The following CRHR1 variants were observed in gnomAD, a reference collection of about 807,000 sequenced individuals.
CRHR1 encodes corticotropin-releasing hormone receptor 1.
A neutral mutation model predicts 56.0 loss-of-function variants in CRHR1; 28 were observed. The observed-to-expected ratio is 0.50, with a 90% CI of 0.37 to 0.69. CRHR1 has a LOEUF of 0.69. Among genes scored for constraint, CRHR1 ranks in the 30% least tolerant of loss-of-function variants. CRHR1 has a pLI of 0.00. For synonymous variants in CRHR1, 195 were observed against 216.5 expected, an observed-to-expected ratio of 0.90 and a Z score of 0.87; for missense variants, 376 against 548.0, an observed-to-expected ratio of 0.69 and a Z score of 3.13.
intron 4 of CRHR1, among the ~76,000 whole-genome samples, chr17:45,824,033 C>G (rs2062103349): frequency 6.6e-6 from 1 of 152,206 alleles, no homozygotes; most frequent in Non-Finnish European, 1.5e-5. Context: ...AGCCCCCACA[C>G]AGAGAGCCCA....
Position 45,811,523 on chromosome 17 carries a change from G to A in CRHR1, c.121+4426G>A, listed in dbSNP as rs185923069. On this transcript the variant is annotated intron_variant, in intron 2 of 12. Coordinates refer to ENST00000314537, the MANE Select transcript of CRHR1 (RefSeq NM_004382.5). ...CCCCAACCTAAAGGCCTGTGGTGAC[G>A]TGCGCTGGTGAGTGGGTTGGTTCTA... Among the ~76,000 whole-genome samples the A allele has an allele frequency of 7.2e-5, 11 of 152,340 alleles. No individual in the cohort carries two copies. In the East Asian group the frequency reaches 7.7e-4, roughly 11 times the overall value.
At chr17:45,818,969 G>C (rs924090346) in intron 3 of CRHR1, among the ~76,000 whole-genome samples, 10 of 152,022 alleles carry the variant, frequency 6.6e-5, no homozygotes, top group African/African-American at 2.2e-4. Flanking sequence ...GCTTTCTTTC[G>C]GATCACCTCC....
At chr17:45,818,204 C>T (rs1402142689) in intron 3 of CRHR1, among the ~76,000 whole-genome samples, 3 of 152,216 alleles carry the variant, frequency 2.0e-5, no homozygotes, top group Non-Finnish European at 4.4e-5. Flanking sequence ...GTCACTCCTT[C>T]ACTTGGAACC....
At chr17:45,830,647 G>T in intron 7 of CRHR1, 77 bp downstream of exon 7, 2 of 1,513,674 alleles carry the variant, frequency 1.3e-6, no homozygotes, top group South Asian at 1.3e-5. Context: ...TCAGGCCAGC[G>T]GGCTGGGGGG....
At chr17:45,785,639 G>C (rs2061322926) in intron 1 of CRHR1, among the ~76,000 whole-genome samples, 1 of 152,218 alleles carries the variant, frequency 6.6e-6, no homozygotes, top group South Asian at 2.1e-4. Flanking sequence ...GACTTCGGTG[G>C]ATTTGGGGGA....
At chr17:45,827,455 A>G (rs150139064) in intron 4 of CRHR1, among the ~76,000 whole-genome samples, 226 of 152,376 alleles carry the variant, frequency 1.5e-3, no homozygotes, top group African/African-American at 4.3e-3. Context: ...TACCAGCTCC[A>G]GACAGCCTGT....
rs1459918110 is a variant in CRHR1 at position 45,784,430 on chromosome 17, G to T, written c.-115G>T. 3.9e-6 allele frequency: 4 copies of T among 1,024,026 alleles called. No homozygotes were observed. The highest frequency in any genetic ancestry group is 2.0e-5 in the South Asian group (1 of 50,606). 63.4% of individuals were successfully genotyped at this position (1,024,026 alleles called of 1,614,324 possible). ...GCCGGGCATCTCCTCACCAGGCAGC[G>T]ACCGAGGAGCCCGGCCGCCCACCCC... On this transcript the variant is annotated 5_prime_UTR_variant, in exon 1 of 13. Transcript: ENST00000314537. The surrounding 1 kb of genome is among the most constrained non-coding windows in gnomAD (Gnocchi z 4.2).
intron 2 of CRHR1, among the ~76,000 whole-genome samples, chr17:45,813,273 G>T (rs538295780): frequency 6.5e-4 from 99 of 152,238 alleles, no homozygotes; most frequent in African/African-American, 2.3e-3. Context: ...TCCACTCCGC[G>T]GCTGAGGCCC....
At chr17:45,813,662 C>T (rs1156782044) in intron 2 of CRHR1, among the ~76,000 whole-genome samples, 4 of 152,228 alleles carry the variant, frequency 2.6e-5, no homozygotes, top group African/African-American at 9.6e-5. Flanking sequence ...GTGGGCAGCA[C>T]CCTGAGCTGG....
intron 3 of CRHR1, among the ~76,000 whole-genome samples, chr17:45,817,614 G>T (rs1228574983): frequency 6.6e-6 from 1 of 152,242 alleles, no homozygotes; most frequent in Non-Finnish European, 1.5e-5. Flanking sequence ...TCTACCAGAT[G>T]GATTTGGGGT....
chr17:45,789,640 A>C (rs1170952753), intron 1 of CRHR1, among the ~76,000 whole-genome samples: 1 of 152,206 alleles, frequency 6.6e-6, no homozygotes, highest in African/African-American at 2.4e-5. Flanking sequence ...AGCCTCCCAA[A>C]GTGTAGGGTT....
intron 1 of CRHR1, among the ~76,000 whole-genome samples, chr17:45,794,414 C>T (rs1165394374): frequency 6.6e-6 from 1 of 152,250 alleles, no homozygotes; most frequent in Non-Finnish European, 1.5e-5. Flanking sequence ...TCCTTTGGGG[C>T]CAGAATTCAC....
At chr17:45,833,624 TC>T in intron 10 of CRHR1, 87 bp downstream of exon 10, 3 of 1,590,898 alleles carry the variant, frequency 1.9e-6, no homozygotes, top group Non-Finnish European at 2.6e-6. Context: ...TGCCACTCCC[TC>T]CCCCGACCTG....
At chr17:45,803,757 CGT>C (rs553066030) in intron 1 of CRHR1, among the ~76,000 whole-genome samples, 30 of 129,538 alleles carry the variant, frequency 2.3e-4, no homozygotes, top group African/African-American at 3.2e-4. Flanking sequence ...AGAGAGAGTG[CGT>C]GTGTGTGTGT....
At chr17:45,808,634 T>TGGTTG (rs2061763358) in intron 2 of CRHR1, among the ~76,000 whole-genome samples, 1 of 151,908 alleles carries the variant, frequency 6.6e-6, no homozygotes, top group Non-Finnish European at 1.5e-5. Flanking sequence ...AGGTTTGGTT[T>TGGTTG]GGTTTGGTTT....
At chr17:45,832,291 G>A (rs771707471) in intron 8 of CRHR1, among the ~76,000 whole-genome samples, 21 of 152,252 alleles carry the variant, frequency 1.4e-4, no homozygotes, top group Non-Finnish European at 2.9e-4. Flanking sequence ...GAGTCTGAGC[G>A]GCTCTGAAGC....
intron 1 of CRHR1, among the ~76,000 whole-genome samples, chr17:45,804,917 C>G (rs956978891): frequency 6.6e-6 from 1 of 151,844 alleles, no homozygotes; most frequent in Non-Finnish European, 1.5e-5. Flanking sequence ...CGGGTTCATG[C>G]AATTCTCCTG....
At chr17:45,801,216 T>G (rs1312311742) in intron 1 of CRHR1, among the ~76,000 whole-genome samples, 1 of 152,114 alleles carries the variant, frequency 6.6e-6, no homozygotes, top group Non-Finnish European at 1.5e-5. Context: ...TCCTCCCCAC[T>G]GCCCATCCCT....
At chr17:45,834,505 T>C in intron 12 of CRHR1, 119 bp from the exon 13 acceptor site, 2 of 1,189,584 alleles carry the variant, frequency 1.7e-6, no homozygotes, top group Non-Finnish European at 1.2e-6. Flanking sequence ...ACTGAGGACT[T>C]CCATGTACTC....
Sources: gnomAD v4.1 joint callset for allele counts (sites outside exome capture counted in the v4.1 genomes callset) on GRCh38, gnomAD v4.1.1 for gene constraint, Gnocchi (gnomAD v3.1) non-coding constraint, MANE v1.5 for transcripts, NCBI Gene and HGNC (gene_info 2026-07-23, HGNC 2026-07-21) for gene names.